The following FHIT variants were observed in gnomAD, a reference collection of about 807,000 sequenced individuals.
The protein encoded by FHIT is fragile histidine triad diadenosine triphosphatase, also known as bis(5'-adenosyl)-triphosphatase.
Under a neutral mutation model 17.9 loss-of-function variants are expected in FHIT, and 19 were observed. The observed-to-expected ratio is 1.06, with a 90% CI of 0.74 to 1.56. The LOEUF (loss-of-function observed/expected upper bound fraction) is 1.56. Ranked by LOEUF, FHIT falls within the 40% of genes most tolerant of loss-of-function variation. The pLI is 0.00. For synonymous variants in FHIT, 81 were observed against 69.7 expected, an observed-to-expected ratio of 1.16 and a Z score of -0.81; for missense variants, 248 against 189.2, an observed-to-expected ratio of 1.31 and a Z score of -1.82.
At chr3:60,956,585 G>T (rs1553778959) in intron 3 of FHIT, among the ~76,000 whole-genome samples, 1 of 152,184 alleles carries the variant, frequency 6.6e-6, no homozygotes, top group Non-Finnish European at 1.5e-5. Context: ...AGGGGAAAAA[G>T]AATCTAATTA....
intron 8 of FHIT, among the ~76,000 whole-genome samples, chr3:59,873,654 G>C (rs1703020972): frequency 6.6e-6 from 1 of 152,264 alleles, no homozygotes; most frequent in African/African-American, 2.4e-5. Flanking sequence ...CTTGATGCTA[G>C]TGGCACACAG....
intron 5 of FHIT, among the ~76,000 whole-genome samples, chr3:60,072,903 T>G (rs2106986550): frequency 6.6e-6 from 1 of 152,350 alleles, no homozygotes. Context: ...AACCATCTCC[T>G]TCTCTGGACC....
chr3:59,851,404 C>T (rs78633428), intron 8 of FHIT, among the ~76,000 whole-genome samples: 1 of 152,230 alleles, frequency 6.6e-6, no homozygotes, highest in East Asian at 1.9e-4. Flanking sequence ...GTACTTGATC[C>T]TTACAACTCC....
intron 4 of FHIT, among the ~76,000 whole-genome samples, chr3:60,736,362 T>G (rs2042132349): frequency 6.6e-6 from 1 of 151,450 alleles, no homozygotes; most frequent in Non-Finnish European, 1.5e-5. Context: ...ACATTATTCT[T>G]AACAGCCAAA....
At chr3:60,480,206 C>T (rs2033546389) in intron 5 of FHIT, among the ~76,000 whole-genome samples, 1 of 152,074 alleles carries the variant, frequency 6.6e-6, no homozygotes, top group South Asian at 2.1e-4. Flanking sequence ...ATCAAATAAC[C>T]ACATCTCATG....
intron 4 of FHIT, among the ~76,000 whole-genome samples, chr3:60,571,419 G>A (rs1157959166): frequency 1.3e-5 from 2 of 148,636 alleles, no homozygotes; most frequent in African/African-American, 4.9e-5. Context: ...TTGCCATCCA[G>A]GGGAAAAAGA....
At chr3:60,413,841 CATTTGTTTAAAT>C (rs1308348693) in intron 5 of FHIT, among the ~76,000 whole-genome samples, 2 of 152,174 alleles carry the variant, frequency 1.3e-5, no homozygotes, top group Non-Finnish European at 2.9e-5. Flanking sequence ...TTCACTCATC[CATTTGTTTAAAT>C]ATTTATTTAA....
chr3:60,499,892 T>C (rs138406846), intron 5 of FHIT, among the ~76,000 whole-genome samples: 1 of 121,734 alleles, frequency 8.2e-6, no homozygotes, highest in Admixed American at 8.2e-5. Flanking sequence ...TACTCTTCTT[T>C]TTATTTTATT....
chr3:60,449,971 C>G (rs1261679451), intron 5 of FHIT, among the ~76,000 whole-genome samples: 2 of 143,266 alleles, frequency 1.4e-5, no homozygotes, highest in South Asian at 2.2e-4. Context: ...GCACTGCACT[C>G]CAGCCTGGCG....
intron 5 of FHIT, among the ~76,000 whole-genome samples, chr3:60,030,477 G>C (rs529687556): frequency 2.0e-4 from 30 of 152,288 alleles, no homozygotes; most frequent in African/African-American, 5.8e-4. Context: ...CCTCTTAGTA[G>C]ACTTATCAAT....
At chr3:60,531,312 T>C (rs1366894648) in intron 5 of FHIT, among the ~76,000 whole-genome samples, 4 of 140,790 alleles carry the variant, frequency 2.8e-5, no homozygotes, top group Non-Finnish European at 6.0e-5. Context: ...GGAGTCTCGC[T>C]CTGTCGCCCA....
At chr3:60,402,140 G>A (rs1270607382) in intron 5 of FHIT, among the ~76,000 whole-genome samples, 1 of 152,008 alleles carries the variant, frequency 6.6e-6, no homozygotes, top group African/African-American at 2.4e-5. Context: ...ACTTAAAGAA[G>A]GATTTAAAGA....
chr3:59,973,550 A>T (rs1043764643), intron 7 of FHIT, among the ~76,000 whole-genome samples: 8 of 152,116 alleles, frequency 5.3e-5, no homozygotes, highest in Non-Finnish European at 1.0e-4. Context: ...CAACTAGGCC[A>T]GTTTTCCCTA....
Position 60,237,314 on chromosome 3 carries a change from T to C in FHIT, c.104-223162A>G, listed in dbSNP as rs76713004. On this transcript the variant is annotated intron_variant, in intron 5 of 9. Coordinates refer to ENST00000492590, the MANE Select transcript of FHIT (RefSeq NM_002012.4). ...CTGATGATAGCACCTATTTCCTACA[T>C]GACCTAAACCAGTTGAGAAATGCCC... is the stretch of plus-strand genomic sequence containing the variant. Among the ~76,000 whole-genome samples, 153 of 146,246 alleles carry C rather than the reference T, an allele frequency of 1.0e-3. 1 individual carries two copies. The highest frequency in any genetic ancestry group is 1.9e-3 in the Non-Finnish European group (127 of 67,128).
intron 4 of FHIT, among the ~76,000 whole-genome samples, chr3:60,538,460 C>A (rs2036066785): frequency 6.6e-6 from 1 of 152,046 alleles, no homozygotes; most frequent in South Asian, 2.1e-4. Context: ...CATATGGAAC[C>A]AAAAAAGAAC....
intron 5 of FHIT, among the ~76,000 whole-genome samples, chr3:60,364,916 C>T (rs765077672): frequency 4.7e-4 from 72 of 152,028 alleles, no homozygotes; most frequent in Non-Finnish European, 9.4e-4. Context: ...GACCTTGGGC[C>T]TAATTAGATT....
At chr3:60,100,568 G>T (rs532274904) in intron 5 of FHIT, among the ~76,000 whole-genome samples, 23 of 152,106 alleles carry the variant, frequency 1.5e-4, no homozygotes, top group African/African-American at 4.3e-4. Context: ...CCCTCACTAC[G>T]CTGACCCCGA....
At chr3:60,392,892 A>G (rs1701287096) in intron 5 of FHIT, among the ~76,000 whole-genome samples, 1 of 152,130 alleles carries the variant, frequency 6.6e-6, no homozygotes, top group Non-Finnish European at 1.5e-5. Flanking sequence ...TGGAGGGCCA[A>G]AGAATGATAA....
chr3:61,141,349 CT>C (rs772733626), intron 2 of FHIT, among the ~76,000 whole-genome samples: 8 of 152,292 alleles, frequency 5.3e-5, no homozygotes, highest in Non-Finnish European at 1.0e-4. Context: ...TTCAAAGACA[CT>C]GATAATGGAC....
Sources: allele counts gnomAD v4.1 joint callset (sites outside exome capture counted in the v4.1 genomes callset), GRCh38; gene constraint gnomAD v4.1.1; transcripts MANE v1.5; gene names NCBI Gene and HGNC (gene_info 2026-07-23, HGNC 2026-07-21).